SND1: variants seen among roughly 807,000 people sequenced by gnomAD.
SND1 encodes the protein staphylococcal nuclease and tudor domain containing 1, also known as staphylococcal nuclease domain-containing protein 1.
A neutral mutation model predicts 121.7 loss-of-function variants in SND1; 38 were observed. The ratio of observed to expected loss-of-function variants is 0.31; its 90% confidence interval spans 0.24 to 0.41. The LOEUF is 0.41. Among genes scored for constraint, SND1 ranks in the 10% least tolerant of loss-of-function variants. The pLI is 1.00. For missense variants in SND1, 868 were observed against 1,184.6 expected (o/e 0.73, Z 3.92); for synonymous variants, 401 against 447.4 (o/e 0.90, Z 1.31).
intron 10 of SND1, among the ~76,000 whole-genome samples, chr7:127,797,874 C>T (rs1414360863): frequency 1.3e-5 from 2 of 152,196 alleles, no homozygotes; most frequent in Non-Finnish European, 2.9e-5. Context: ...AAAGTCCTGA[C>T]AGGGTCTTGG....
intron 10 of SND1, among the ~76,000 whole-genome samples, chr7:127,795,962 A>G (rs1798014435): frequency 6.6e-6 from 1 of 151,950 alleles, no homozygotes; most frequent in African/African-American, 2.4e-5. Flanking sequence ...GGTTCACGCC[A>G]TTGTCCTGCC....
intron 16 of SND1, among the ~76,000 whole-genome samples, chr7:128,036,484 A>G (rs1354128401): frequency 6.6e-6 from 1 of 152,186 alleles, no homozygotes; most frequent in Non-Finnish European, 1.5e-5. Context: ...TTTTCCCCCA[A>G]GGACTCAGCT....
At chr7:127,729,566 G>C (rs1248668491) in intron 10 of SND1, among the ~76,000 whole-genome samples, 1 of 147,698 alleles carries the variant, frequency 6.8e-6, no homozygotes, top group Admixed American at 7.0e-5. Flanking sequence ...AATTAGCTTT[G>C]TACTGGGAAA....
intron 1 of SND1, among the ~76,000 whole-genome samples, chr7:127,656,548 C>G (rs1332038988): frequency 6.6e-6 from 1 of 152,098 alleles, no homozygotes; most frequent in African/African-American, 2.4e-5. Context: ...GAACTGGCCT[C>G]AAGCTGTCTG....
intron 8 of SND1, among the ~76,000 whole-genome samples, chr7:127,705,725 C>G (rs1290148030): frequency 6.6e-6 from 1 of 152,160 alleles, no homozygotes; most frequent in Non-Finnish European, 1.5e-5. Context: ...TCGGGAAAGT[C>G]TGAATCACCA....
chr7:127,825,424 T>G (rs192570872), intron 11 of SND1, among the ~76,000 whole-genome samples: 257 of 150,206 alleles, frequency 1.7e-3, no homozygotes, highest in African/African-American at 6.0e-3. Context: ...TTTTTTTTTT[T>G]GAAACTGAAT....
At chr7:127,995,621 T>C (rs1802629089) in intron 16 of SND1, among the ~76,000 whole-genome samples, 1 of 152,270 alleles carries the variant, frequency 6.6e-6, no homozygotes, top group East Asian at 1.9e-4. Context: ...CAAGCCACCC[T>C]TTCCTTTTTG....
At chr7:127,725,290 G>A (rs1046338246) in intron 10 of SND1, among the ~76,000 whole-genome samples, 3 of 152,154 alleles carry the variant, frequency 2.0e-5, no homozygotes, top group African/African-American at 7.2e-5. Context: ...TTGGGGCCAG[G>A]ACCTCTGTTA....
intron 14 of SND1, among the ~76,000 whole-genome samples, chr7:127,916,058 A>G (rs1250346439): frequency 6.9e-6 from 1 of 144,826 alleles, no homozygotes; most frequent in Non-Finnish European, 1.6e-5. Context: ...GTATACATAT[A>G]TATATAGAGA....
At chr7:127,817,721 CTTTTTTTTTTTTTT>C (rs72233818) in intron 11 of SND1, among the ~76,000 whole-genome samples, 11 of 104,098 alleles carry the variant, frequency 1.1e-4, no homozygotes, top group South Asian at 3.2e-4. Context: ...TTCCTTCATA[CTTTTTTTTTTTTTT>C]TTTTTTTTTT....
At chr7:127,786,867 C>T (rs1023371606) in intron 10 of SND1, among the ~76,000 whole-genome samples, 1 of 152,200 alleles carries the variant, frequency 6.6e-6, no homozygotes, top group Non-Finnish European at 1.5e-5. Flanking sequence ...TGGTCTCGAT[C>T]TCCTAACCTC....
intron 11 of SND1, among the ~76,000 whole-genome samples, chr7:127,811,045 T>C (rs1456067261): frequency 6.6e-6 from 1 of 152,224 alleles, no homozygotes; most frequent in African/African-American, 2.4e-5. Context: ...CCTGAAAATA[T>C]ATGCCTATTG....
intron 10 of SND1, among the ~76,000 whole-genome samples, chr7:127,794,162 G>T (rs984324505): frequency 2.0e-5 from 3 of 152,154 alleles, no homozygotes; most frequent in African/African-American, 7.2e-5. Context: ...TCCTGAAAAG[G>T]TACAGGCCTC....
intron 10 of SND1, among the ~76,000 whole-genome samples, chr7:127,724,359 G>A (rs751051175): frequency 4.6e-5 from 7 of 152,226 alleles, no homozygotes; most frequent in African/African-American, 1.2e-4. Context: ...GACCTGGAGA[G>A]CAGCAATGAC....
intron 10 of SND1, among the ~76,000 whole-genome samples, chr7:127,781,634 T>C (rs1331239807): frequency 6.6e-6 from 1 of 152,192 alleles, no homozygotes; most frequent in East Asian, 1.9e-4. Flanking sequence ...GAACCTTGTT[T>C]CATGGTTTGA....
At chr7:127,706,541 A>C (rs1796204899) in intron 8 of SND1, among the ~76,000 whole-genome samples, 1 of 152,134 alleles carries the variant, frequency 6.6e-6, no homozygotes, top group Non-Finnish European at 1.5e-5. Context: ...TACAGGTGTG[A>C]GCCACTGTGC....
chr7:127,658,575 C>T (rs1371884155), intron 1 of SND1, among the ~76,000 whole-genome samples: 1 of 152,246 alleles, frequency 6.6e-6, no homozygotes, highest in Non-Finnish European at 1.5e-5. Context: ...TTTACTGCTG[C>T]TCTGGCCTCT....
At chr7:127,980,735 CTA>C (rs754526931) in intron 15 of SND1, among the ~76,000 whole-genome samples, 7 of 152,176 alleles carry the variant, frequency 4.6e-5, no homozygotes, top group Non-Finnish European at 1.0e-4. Context: ...AAAAGTCACT[CTA>C]AATTTATGCA....
rs112779101 is a variant in SND1 at position 127,861,328 on chromosome 7, C to A, written c.1343+16904C>A. 8.9e-3 allele frequency among the ~76,000 whole-genome samples: 1,356 copies of A among 152,204 alleles called. 21 individuals carry two copies. The highest frequency in any genetic ancestry group is 0.03 in the African/African-American group (1,255 of 41,512). On this transcript the variant is annotated intron_variant, in intron 12 of 23. Coordinates refer to ENST00000354725, the MANE Select transcript of SND1 (RefSeq NM_014390.4). ...AAGAGAGAATCAGGACTGCCTGTTT[C>A]CATTTTGGTTTGGATCCTTTGAATT... is the stretch of plus-strand genomic sequence containing the variant.
Sources: allele counts gnomAD v4.1 joint callset (sites outside exome capture counted in the v4.1 genomes callset), GRCh38; gene constraint gnomAD v4.1.1; transcripts MANE v1.5; gene names NCBI Gene and HGNC (gene_info 2026-07-23, HGNC 2026-07-21).